The following CFAP20DC variants were observed in gnomAD, a reference collection of about 807,000 sequenced individuals.
CFAP20DC encodes CFAP20 domain containing.
Under a neutral mutation model 101.7 loss-of-function variants are expected in CFAP20DC, and 84 were observed. The observed-to-expected ratio is 0.83, with a 90% confidence interval of 0.69 to 0.99. The LOEUF (loss-of-function observed/expected upper bound fraction) is 0.99, where lower values mean the gene tolerates loss of function less well. Ranked by LOEUF, CFAP20DC falls within the 50% of genes least tolerant of loss-of-function variation. The pLI, the probability that CFAP20DC is intolerant of heterozygous loss-of-function variation, is 0.00. For missense variants in CFAP20DC, 1,007 were observed against 970.3 expected, an observed-to-expected ratio of 1.04 and a Z score of -0.50; for synonymous variants, 359 against 351.2, an observed-to-expected ratio of 1.02 and a Z score of -0.25.
At chr3:59,047,620 C>A (rs769441463) in intron 1 of CFAP20DC, among the ~76,000 whole-genome samples, 1 of 152,162 alleles carries the variant, frequency 6.6e-6, no homozygotes, top group African/African-American at 2.4e-5. Context: ...AGGGTTTAAA[C>A]GCAATTCTTG....
intron 4 of CFAP20DC, among the ~76,000 whole-genome samples, chr3:58,952,372 C>T (rs529995725): frequency 6.6e-6 from 1 of 152,210 alleles, no homozygotes; most frequent in East Asian, 1.9e-4. Flanking sequence ...GTGAATTCTC[C>T]CTTTTTCCAG....
intron 7 of CFAP20DC, among the ~76,000 whole-genome samples, chr3:58,879,604 C>G (rs1576100237): frequency 6.6e-6 from 1 of 151,956 alleles, no homozygotes; most frequent in Admixed American, 6.6e-5. Flanking sequence ...TAAATAGGAC[C>G]CTGCAGTTCT....
chr3:58,885,808 A>G (rs1454470609), intron 6 of CFAP20DC, among the ~76,000 whole-genome samples: 1 of 151,946 alleles, frequency 6.6e-6, no homozygotes, highest in Admixed American at 6.6e-5. Context: ...TTATGGCTGA[A>G]TAGTATTCCA....
At position 58,964,917 on chromosome 3, in the gene CFAP20DC, C is replaced by T. The variant is rs1050402675; in HGVS notation, c.279-27155G>A. ...CAATAGTGGACACTTGAAACCACTACTGAAATATTTTCTAAAAAGGTTCTG... is the reference window on the plus strand; with the variant it reads ...CAATAGTGGACACTTGAAACCACTATTGAAATATTTTCTAAAAAGGTTCTG... On this transcript the variant is annotated intron_variant, in intron 4 of 16. Transcript: ENST00000482387. The surrounding 1 kb of genome is among the most constrained non-coding windows in gnomAD (Gnocchi z 4.1). Among the ~76,000 whole-genome samples, 3 of 152,190 alleles carry T rather than the reference C, an allele frequency of 2.0e-5. No individual in the cohort carries two copies. Among genetic ancestry groups the T allele is most frequent in the Non-Finnish European group, 2.9e-5 (2 of 68,032 alleles).
At chr3:58,966,432 A>T (rs2091532977) in intron 4 of CFAP20DC, among the ~76,000 whole-genome samples, 1 of 151,930 alleles carries the variant, frequency 6.6e-6, no homozygotes, top group African/African-American at 2.4e-5. Flanking sequence ...TGCAAAACAT[A>T]TACATTGAAA....
At chr3:58,720,762 C>T (rs1034235088) in intron 3 of CFAP20DC, among the ~76,000 whole-genome samples, 4 of 152,160 alleles carry the variant, frequency 2.6e-5, no homozygotes, top group African/African-American at 9.7e-5. Flanking sequence ...CTCCATATTA[C>T]ATACAACTTA....
chr3:58,856,265 G>GACACACACAC (rs536277954), intron 12 of CFAP20DC, among the ~76,000 whole-genome samples: 2,338 of 124,106 alleles, frequency 0.019, 67 homozygotes, highest in Admixed American at 0.024. Flanking sequence ...TTCATCTTCT[G>GACACACACAC]ACACACACAC....
chr3:59,030,743 C>G (rs566584647), intron 4 of CFAP20DC, among the ~76,000 whole-genome samples: 1 of 152,308 alleles, frequency 6.6e-6, no homozygotes, highest in Admixed American at 6.5e-5. Flanking sequence ...ATCAACTGCT[C>G]TCTGGCTAGG....
rs757519073 is a variant in CFAP20DC at position 58,861,458 on chromosome 3, T to G, written c.1593+2100A>C. ...TATATGTAAATAAACATTGTAAATA[T>G]GTAGCCTAATTTCCCATTGATTTAT... On this transcript the variant is annotated intron_variant, in intron 12 of 16. Coordinates refer to ENST00000482387, the MANE Select transcript of CFAP20DC (RefSeq NM_001394063.1). The surrounding 1 kb of genome is among the most constrained non-coding windows in gnomAD (Gnocchi z 4.0). The G allele has an allele frequency of 1.2e-5, 11 of 896,372 alleles. No individual in the cohort carries two copies. Among genetic ancestry groups the G allele is most frequent in the Non-Finnish European group, 1.5e-5 (11 of 748,876 alleles). The allele number at this position is 896,372 out of a possible 1,614,324, so 55.5% of individuals were successfully genotyped here. A position where few individuals can be genotyped will look rare whatever the true frequency, so the allele number is the denominator to read the frequency against.
intron 4 of CFAP20DC, among the ~76,000 whole-genome samples, chr3:59,027,225 A>T (rs1379616888): frequency 6.6e-6 from 1 of 152,228 alleles, no homozygotes; most frequent in Non-Finnish European, 1.5e-5. Flanking sequence ...AGGATCACAA[A>T]GGATCAGTTA....
chr3:58,873,221 G>A lies in CFAP20DC; in HGVS notation c.716-2912C>T, dbSNP rs561786731. Among the ~76,000 whole-genome samples, 57 of 150,132 alleles carry A rather than the reference G, an allele frequency of 3.8e-4. No individual in the cohort carries two copies. In the East Asian group the frequency reaches 0.011, roughly 28 times the overall value. On this transcript the variant is annotated intron_variant, in intron 7 of 16. Coordinates refer to ENST00000482387, the MANE Select transcript of CFAP20DC (RefSeq NM_001394063.1). The stretch of plus-strand genomic sequence containing the variant: ...TAGCCATTCTGGATGCTGTAAGGCG[G>A]GTGCTCAAGCAGAAGTCTGGATAGC...
chr3:58,938,153 G>A (rs1359107314), intron 4 of CFAP20DC, among the ~76,000 whole-genome samples: 1 of 152,068 alleles, frequency 6.6e-6, no homozygotes, highest in Non-Finnish European at 1.5e-5. Flanking sequence ...AAAACATTAT[G>A]GGTTTCTTTC....
At chr3:58,938,786 A>G (rs1463402166) in intron 4 of CFAP20DC, among the ~76,000 whole-genome samples, 1 of 152,162 alleles carries the variant, frequency 6.6e-6, no homozygotes, top group African/African-American at 2.4e-5. Flanking sequence ...AAAAACTATC[A>G]TTAAACAATG....
Position 58,863,176 on chromosome 3 carries a change from G to T in CFAP20DC, c.1593+382C>A. On this transcript the variant is annotated intron_variant, in intron 12 of 16. Transcript: ENST00000482387. This position sits in a 1 kb window ranked among gnomAD's most constrained non-coding sequence, Gnocchi z 5.9. The stretch of plus-strand genomic sequence containing the variant: ...AGGAAGCCAGAAAACCATCAATTTA[G>T]AATGCTTAGCAACTGCAACACAATT... 1 of 1,118,952 alleles carries T rather than the reference G, an allele frequency of 8.9e-7. No individual in the cohort carries two copies. Among genetic ancestry groups the T allele is most frequent in the Non-Finnish European group, 1.1e-6 (1 of 917,912 alleles). The allele number at this position is 1,118,952 out of a possible 1,614,324, so 69.3% of individuals were successfully genotyped here.
chr3:58,901,229 T>C (rs1362958083), intron 6 of CFAP20DC, among the ~76,000 whole-genome samples: 1 of 152,228 alleles, frequency 6.6e-6, no homozygotes, highest in African/African-American at 2.4e-5. Context: ...AGTGTGTTCA[T>C]TTTTTGTTCA....
intron 4 of CFAP20DC, among the ~76,000 whole-genome samples, chr3:58,979,544 T>C (rs2092430240): frequency 6.6e-6 from 1 of 152,212 alleles, no homozygotes; most frequent in African/African-American, 2.4e-5. Context: ...GCTGTCAGTA[T>C]GACAAGAATG....
chr3:58,811,548 A>G (rs2074636219), intron 14 of CFAP20DC, among the ~76,000 whole-genome samples: 1 of 152,194 alleles, frequency 6.6e-6, no homozygotes. Context: ...TTATAAAAAA[A>G]TTAATTCAAG....
intron 6 of CFAP20DC, among the ~76,000 whole-genome samples, chr3:58,904,078 A>G (rs1170594312): frequency 6.6e-6 from 1 of 152,166 alleles, no homozygotes; most frequent in African/African-American, 2.4e-5. Context: ...TTGAATCTGT[A>G]TCTCAACAAT....
intron 4 of CFAP20DC, among the ~76,000 whole-genome samples, chr3:58,950,581 G>C (rs1432112381): frequency 1.3e-5 from 2 of 152,094 alleles, no homozygotes; most frequent in African/African-American, 4.8e-5. Flanking sequence ...CAATGGAACA[G>C]AACAGAACTC....
Sources: gnomAD v4.1 joint callset for allele counts (sites outside exome capture counted in the v4.1 genomes callset) on GRCh38, gnomAD v4.1.1 for gene constraint, Gnocchi (gnomAD v3.1) non-coding constraint, MANE v1.5 for transcripts, NCBI Gene and HGNC (gene_info 2026-07-23, HGNC 2026-07-21) for gene names.